Variants in SLTM observed in about 807,000 individuals in gnomAD.
SLTM encodes SAFB-like transcription modulator.
In SLTM, 43 loss-of-function variants were observed where a neutral mutation model predicts 134.6. The ratio of observed to expected loss-of-function variants is 0.32; its 90% CI spans 0.25 to 0.41. The LOEUF is 0.41. Ranked by LOEUF, SLTM falls within the 10% of genes least tolerant of loss-of-function variation. SLTM has a pLI of 1.00. For missense variants in SLTM, 1,055 were observed against 1,288.8 expected (o/e 0.82, Z 2.78); for synonymous variants, 424 against 432.3 (o/e 0.98, Z 0.24).
At chr15:58,913,437 ACTT>A (rs1439463735) in intron 4 of SLTM, 59 bp downstream of exon 4, 1 of 1,353,578 alleles carries the variant, frequency 7.4e-7, no homozygotes, top group Non-Finnish European at 1.0e-6. Flanking sequence ...AGAAAAAAAT[ACTT>A]TTTATTATTT....
chr15:58,901,454 T>C (rs1261314654), intron 5 of SLTM, among the ~76,000 whole-genome samples, 167 bp from the exon 6 acceptor site: 2 of 152,202 alleles, frequency 1.3e-5, no homozygotes, highest in Non-Finnish European at 2.9e-5. Context: ...CCAGAGTCCA[T>C]GTAGAGAGAT....
intron 2 of SLTM, among the ~76,000 whole-genome samples, chr15:58,920,848 G>A (rs1042192865): frequency 2.9e-4 from 44 of 151,732 alleles, no homozygotes; most frequent in Non-Finnish European, 2.4e-4. Context: ...CCAGCTACTC[G>A]GGAGGCTGAG....
intron 2 of SLTM, among the ~76,000 whole-genome samples, chr15:58,930,574 G>C (rs1191410452): frequency 4.6e-5 from 7 of 151,750 alleles, no homozygotes; most frequent in African/African-American, 1.2e-4. Context: ...TTAAAATGTT[G>C]TGGTGGCACA....
At chr15:58,930,124 C>CT (rs141581020) in intron 2 of SLTM, among the ~76,000 whole-genome samples, 6,462 of 146,398 alleles carry the variant, frequency 0.044, 187 homozygotes, top group African/African-American at 0.08. Context: ...GTTACAACTT[C>CT]TTTTTTTTTT....
chr15:58,915,560 C>T (rs1378944929), intron 3 of SLTM, among the ~76,000 whole-genome samples: 1 of 152,096 alleles, frequency 6.6e-6, no homozygotes, highest in Admixed American at 6.6e-5. Flanking sequence ...GTAAGGGTAA[C>T]AGAATACCAA....
chr15:58,884,475 C>T (rs2034017982), intron 19 of SLTM, among the ~76,000 whole-genome samples: 1 of 151,904 alleles, frequency 6.6e-6, no homozygotes, highest in African/African-American at 2.4e-5. Flanking sequence ...TGCACCAGCA[C>T]GCCCAGCTAA....
In SLTM at chr15:58,894,296, A is replaced by G. The variant is rs2034899989; in HGVS notation, c.1378-103T>C. On this transcript the variant is annotated intron_variant, in intron 10 of 20. Coordinates refer to ENST00000380516, the MANE Select transcript of SLTM (RefSeq NM_024755.4). ...AAAATTTGGAAACGATAGGAAAAATATAAGGAGAGTAAAAACTACAAATAC... is the reference window on the plus strand; with the variant it reads ...AAAATTTGGAAACGATAGGAAAAATGTAAGGAGAGTAAAAACTACAAATAC... The G allele has an allele frequency of 7.8e-6, 11 of 1,410,214 alleles. 1 individual carries two copies. The highest frequency in any genetic ancestry group is 6.5e-5 in the Admixed American group (3 of 46,178). The allele number at this position is 1,410,214 out of a possible 1,614,324, so 87.4% of individuals were successfully genotyped here.
rs375662524 is a variant in SLTM, at chr15:58,909,726, T to A, written c.561+2837A>T. Among the ~76,000 whole-genome samples the A allele has an allele frequency of 1.4e-3, 220 of 152,290 alleles. 7 individuals carry two copies. The South Asian group carries it at 0.044, about 30-fold the overall frequency. On this transcript the variant is annotated intron_variant, in intron 5 of 20. Transcript: ENST00000380516. ...TTAACGCTGAATCTGAGAGCAAGCCTCTAGATGCTACAACCACCTTAACAA... is the reference window on the plus strand; with the variant it reads ...TTAACGCTGAATCTGAGAGCAAGCCACTAGATGCTACAACCACCTTAACAA...
In SLTM at chr15:58,883,765, CAT is replaced by C; in HGVS notation, c.2855_2856del (p.His952ArgfsTer3). 1 of 1,614,072 alleles carries C rather than the reference CAT, an allele frequency of 6.2e-7. No individual in the cohort carries two copies. The highest frequency in any genetic ancestry group is 8.5e-7 in the Non-Finnish European group (1 of 1,180,020). ...GTGTCCCGTCCATGGCGTTCAACCA[CAT>C]GTCGCTCCTCAGGATAGTGCTAAAA... is the stretch of plus-strand genomic sequence containing the variant. ...GGSQHYPEER[H>X]VVERHGRDTS... is the part of the protein sequence containing the mutation. On this transcript the variant is annotated frameshift_variant, in exon 20 of 21. Coordinates refer to ENST00000380516, the MANE Select transcript of SLTM (RefSeq NM_024755.4). LOFTEE classifies it high-confidence loss of function.
At chr15:58,894,688 A>T in intron 9 of SLTM, 106 bp from the exon 10 acceptor site, 2 of 994,434 alleles carry the variant, frequency 2.0e-6, no homozygotes, top group Non-Finnish European at 3.0e-6. Context: ...TTCAGGGTGT[A>T]TCTTATTCTG....
At chr15:58,902,157 T>C (rs1308539834) in intron 5 of SLTM, among the ~76,000 whole-genome samples, 4 of 152,052 alleles carry the variant, frequency 2.6e-5, no homozygotes, top group Non-Finnish European at 5.9e-5. Flanking sequence ...CAAACCAACA[T>C]AGAACCAACA....
At chr15:58,925,844 C>T (rs1298019563) in intron 2 of SLTM, among the ~76,000 whole-genome samples, 1 of 152,190 alleles carries the variant, frequency 6.6e-6, no homozygotes, top group Admixed American at 6.5e-5. Flanking sequence ...TAATGAATTA[C>T]CTTTCTATTC....
intron 2 of SLTM, among the ~76,000 whole-genome samples, chr15:58,918,919 T>C (rs1479831896): frequency 2.6e-5 from 4 of 152,072 alleles, no homozygotes; most frequent in Non-Finnish European, 5.9e-5. Flanking sequence ...TAAATTCTTT[T>C]TTTTTTTTTC....
intron 3 of SLTM, 70 bp from the exon 4 acceptor site, chr15:58,913,766 G>A: frequency 8.6e-7 from 1 of 1,161,216 alleles, no homozygotes; most frequent in Non-Finnish European, 1.3e-6. Flanking sequence ...AACGTTTTTG[G>A]TAATTTACAC....
intron 20 of SLTM, among the ~76,000 whole-genome samples, chr15:58,882,180 T>TCAAAAAAAAAAAA (rs1555441921): frequency 3.2e-4 from 1 of 3,106 alleles, no homozygotes; most frequent in Non-Finnish European, 4.0e-3. Flanking sequence ...AGACTCTGTC[T>TCAAAAAAAAAAAA]CAAAAAAAAA....
Position 58,901,259 on chromosome 15 carries a change from C to A in SLTM, c.589+1G>T. 6.2e-7 allele frequency: 1 copy of A among 1,605,312 alleles called. No individual in the cohort carries two copies. The highest frequency in any genetic ancestry group is 1.3e-5 in the African/African-American group (1 of 74,758). ...TTTTTAAGCTCTAGCATCAAACATACCTTTCTCATTTTCTTCTTCCTCACC... is the reference window on the plus strand; with the variant it reads ...TTTTTAAGCTCTAGCATCAAACATAACTTTCTCATTTTCTTCTTCCTCACC... On this transcript the variant is annotated splice_donor_variant, in intron 6 of 20. Coordinates refer to ENST00000380516, the MANE Select transcript of SLTM (RefSeq NM_024755.4). LOFTEE classifies it high-confidence loss of function.
intron 2 of SLTM, among the ~76,000 whole-genome samples, chr15:58,927,500 A>C (rs1462949557): frequency 6.6e-6 from 1 of 152,182 alleles, no homozygotes; most frequent in Admixed American, 6.5e-5. Context: ...CAAACTCCTG[A>C]CATCAGGTGA....
intron 2 of SLTM, among the ~76,000 whole-genome samples, chr15:58,924,582 C>A (rs2037330743): frequency 6.6e-6 from 1 of 152,154 alleles, no homozygotes; most frequent in African/African-American, 2.4e-5. Flanking sequence ...TAAGTCAAGA[C>A]TATAAATAAC....
chr15:58,889,432 A>T lies in SLTM; in HGVS notation c.2202T>A (p.His734Gln), dbSNP rs749695962. The change falls in exon 16 of 21, where the codon CAT becomes CAA. Residue 734 changes from histidine to glutamine, a missense_variant and splice_region_variant. Coordinates refer to ENST00000380516, the MANE Select transcript of SLTM (RefSeq NM_024755.4). ...NSLKRPRDVD[H>Q]RRDDPYWSEN... ...TAAGGAATAAAATGAGTAACTACCT[A>T]TGATCTACATCACGTGGGCGTTTCA... The T allele has an allele frequency of 4.3e-6, 7 of 1,613,688 alleles. No homozygotes were observed. The South Asian group carries it at 7.7e-5, about 18-fold the overall frequency.
Sources: gnomAD v4.1 joint callset for allele counts (sites outside exome capture counted in the v4.1 genomes callset) on GRCh38, gnomAD v4.1.1 for gene constraint, MANE v1.5 for transcripts, NCBI Gene and HGNC (gene_info 2026-07-23, HGNC 2026-07-21) for gene names.